Variants in GPR174 observed in about 807,000 individuals in gnomAD.
The protein encoded by GPR174 is probable G protein-coupled receptor 174.
In GPR174, 8 loss-of-function variants were observed where a neutral mutation model predicts 16.5. The observed-to-expected ratio is 0.48, with a 90% CI of 0.28 to 0.87. The LOEUF is 0.87. Ranked by LOEUF, GPR174 falls within the 40% of genes least tolerant of loss-of-function variation. The pLI is 0.09. For missense variants in GPR174, 214 were observed against 247.5 expected (o/e 0.86, Z 0.91); for synonymous variants, 111 against 94.8 (o/e 1.17, Z -0.99).
Position 79,171,336 on chromosome X carries a change from T to C in GPR174, c.329T>C (p.Val110Ala). The change falls in exon 3 of 3, where the codon GTC becomes GCC. Residue 110 changes from valine to alanine, a missense_variant. Coordinates refer to ENST00000645147, the MANE Select transcript of GPR174 (RefSeq NM_032553.3). ...VNMYASIYFLVCISVRRFWFL... is the reference protein window; with the variant it reads ...VNMYASIYFLACISVRRFWFL... ...ATGTATGCAAGCATCTACTTCTTGG[T>C]CTGCATCAGTGTGCGACGATTTTGG... 1 of 1,211,708 alleles carries C rather than the reference T, an allele frequency of 8.3e-7. No homozygotes were observed. Among genetic ancestry groups the C allele is most frequent in the Non-Finnish European group, 1.1e-6 (1 of 895,394 alleles).
intron 2 of GPR174, among the ~76,000 whole-genome samples, chrX:79,164,834 C>A (rs5912785): frequency 9.1e-6 from 1 of 110,060 alleles, no homozygotes; most frequent in African/African-American, 3.3e-5. Context: ...GGCTTATTTT[C>A]AATTATCTGG....
intron 2 of GPR174, among the ~76,000 whole-genome samples, chrX:79,160,761 G>A (rs188798893): frequency 3.7e-4 from 41 of 111,731 alleles, no homozygotes; most frequent in Admixed American, 3.4e-3. Context: ...TTACGGAGAA[G>A]GTCAGACAAA....
In GPR174 at chrX:79,170,981, G is replaced by T; in HGVS notation, c.-27G>T. ...GAATTTAGTTTTGAACCACCATTAG[G>T]CAAAGATAGTTTCTCTAGAGAGAAT... is the stretch of plus-strand genomic sequence containing the variant. On this transcript the variant is annotated 5_prime_UTR_variant, in exon 3 of 3. Transcript: ENST00000645147. The T allele has an allele frequency of 8.7e-7, 1 of 1,143,551 alleles. No homozygotes were observed. 94.2% of individuals were successfully genotyped at this position (1,143,551 alleles called of 1,213,427 possible).
chrX:79,168,635 A>G (rs1921434879), intron 2 of GPR174, among the ~76,000 whole-genome samples: 1 of 110,179 alleles, frequency 9.1e-6, no homozygotes, highest in South Asian at 4.0e-4. Context: ...CAAGAGTTCC[A>G]GGCTGCAGTG....
intron 2 of GPR174, among the ~76,000 whole-genome samples, chrX:79,157,702 G>A (rs1331506795): frequency 1.8e-5 from 2 of 111,235 alleles, no homozygotes; most frequent in Non-Finnish European, 3.8e-5. Context: ...TCAGGTTAGG[G>A]GCAGATTTGG....
At chrX:79,151,224 G>C (rs1926594550) in intron 1 of GPR174, among the ~76,000 whole-genome samples, 1 of 111,133 alleles carries the variant, frequency 9.0e-6, no homozygotes, top group South Asian at 3.7e-4. Flanking sequence ...GATATACTAA[G>C]GATTGGGCAA....
intron 2 of GPR174, among the ~76,000 whole-genome samples, chrX:79,158,107 C>T (rs1555985934): frequency 9.5e-6 from 1 of 105,116 alleles, no homozygotes; most frequent in East Asian, 3.1e-4. Flanking sequence ...TACTTTTGCA[C>T]CAAACTAATA....
chrX:79,163,114 G>T (rs1569280689), intron 2 of GPR174, among the ~76,000 whole-genome samples: 1 of 111,398 alleles, frequency 9.0e-6, no homozygotes, highest in East Asian at 2.8e-4. Context: ...AGAATATTAG[G>T]TTTTTTAGGC....
intron 1 of GPR174, among the ~76,000 whole-genome samples, chrX:79,145,426 G>A (rs372460211): frequency 6.3e-5 from 7 of 111,204 alleles, no homozygotes; most frequent in South Asian, 7.6e-4. Context: ...GGAGGAGGGA[G>A]GCAACTTTAA....
At chrX:79,158,058 GT>G (rs1921141744) in intron 2 of GPR174, among the ~76,000 whole-genome samples, 1 of 103,116 alleles carries the variant, frequency 9.7e-6, no homozygotes, top group Non-Finnish European at 2.0e-5. Context: ...AGTAATTGTG[GT>G]TTTTGCAGTT....
chrX:79,163,988 A>G lies in GPR174; in HGVS notation c.-556-6464A>G, dbSNP rs745696692. On this transcript the variant is annotated intron_variant, in intron 2 of 2. Coordinates refer to ENST00000645147, the MANE Select transcript of GPR174 (RefSeq NM_032553.3). ...GAATGGTTTTCACCACTTTCTTCCAATCAATATATATGATGCCATCTGAGA... is the reference window on the plus strand; with the variant it reads ...GAATGGTTTTCACCACTTTCTTCCAGTCAATATATATGATGCCATCTGAGA... Among the ~76,000 whole-genome samples the G allele has an allele frequency of 7.8e-4, 87 of 111,675 alleles. 2 individuals are homozygous for G. The highest frequency in any genetic ancestry group is 2.5e-4 in the Non-Finnish European group (13 of 53,040).
intron 1 of GPR174, among the ~76,000 whole-genome samples, chrX:79,147,790 T>C (rs1452947659): frequency 2.7e-5 from 3 of 111,312 alleles, no homozygotes; most frequent in Admixed American, 9.6e-5. Context: ...ATACAGTAAG[T>C]GATAGTATGT....
intron 2 of GPR174, among the ~76,000 whole-genome samples, chrX:79,166,440 T>C (rs984793709): frequency 6.8e-5 from 5 of 73,453 alleles, no homozygotes; most frequent in Non-Finnish European, 1.0e-4. Flanking sequence ...TTCTTTTTTT[T>C]TTTTTTTTTT....
At chrX:79,168,950 G>T (rs1262765795) in intron 2 of GPR174, among the ~76,000 whole-genome samples, 2 of 111,067 alleles carry the variant, frequency 1.8e-5, no homozygotes, top group African/African-American at 6.6e-5. Flanking sequence ...CAAGCAACCA[G>T]AGACCTAATA....
intron 1 of GPR174, among the ~76,000 whole-genome samples, chrX:79,155,910 C>G (rs999946703): frequency 8.9e-6 from 1 of 111,790 alleles, no homozygotes; most frequent in Non-Finnish European, 1.9e-5. Flanking sequence ...GAATCCTTTG[C>G]TAACCCTTAT....
intron 1 of GPR174, among the ~76,000 whole-genome samples, chrX:79,147,731 G>A (rs1926528778): frequency 9.0e-6 from 1 of 110,866 alleles, no homozygotes; most frequent in Admixed American, 9.6e-5. Context: ...GACAGAAACA[G>A]ACATATGCGG....
At chrX:79,147,791 G>A (rs1379812381) in intron 1 of GPR174, among the ~76,000 whole-genome samples, 1 of 111,658 alleles carries the variant, frequency 9.0e-6, no homozygotes, top group African/African-American at 3.3e-5. Context: ...TACAGTAAGT[G>A]ATAGTATGTG....
intron 2 of GPR174, among the ~76,000 whole-genome samples, chrX:79,165,868 C>A (rs1223502037): frequency 9.0e-6 from 1 of 111,196 alleles, no homozygotes; most frequent in Non-Finnish European, 1.9e-5. Context: ...TTATCTTGGA[C>A]CTTAGTTTAT....
At chrX:79,152,037 T>C (rs1291512374) in intron 1 of GPR174, among the ~76,000 whole-genome samples, 2 of 111,920 alleles carry the variant, frequency 1.8e-5, no homozygotes, top group Admixed American at 9.4e-5. Flanking sequence ...AGAACAAAGG[T>C]TCTGAACTCC....
Sources: gnomAD v4.1 joint callset for allele counts (sites outside exome capture counted in the v4.1 genomes callset) on GRCh38, gnomAD v4.1.1 for gene constraint, MANE v1.5 for transcripts, NCBI Gene and HGNC (gene_info 2026-07-23, HGNC 2026-07-21) for gene names.